UBE3A: variants seen among roughly 807,000 people sequenced by gnomAD.
UBE3A encodes the protein ubiquitin-protein ligase E3A.
A neutral mutation model predicts 83.4 loss-of-function variants in UBE3A; 6 were observed. The observed-to-expected ratio is 0.07, with a 90% CI of 0.04 to 0.14. The LOEUF is 0.14. Among genes scored for constraint, UBE3A ranks in the 10% least tolerant of loss-of-function variants. The pLI is 1.00. For synonymous variants in UBE3A, 337 were observed against 355.4 expected (o/e 0.95, Z 0.58); for missense variants, 456 against 1,036.1 (o/e 0.44, Z 7.69).
Position 25,371,524 on chromosome 15 carries a change from C to T in UBE3A, c.650G>A (p.Gly217Glu). 7 of 1,614,132 alleles carry T rather than the reference C, an allele frequency of 4.3e-6. No homozygotes were observed. Among genetic ancestry groups the T allele is most frequent in the Non-Finnish European group, 5.9e-6 (7 of 1,180,020 alleles). The change falls in exon 6 of 13, where the codon GGA (glycine) becomes GAA (glutamate). Residue 217 changes from glycine to glutamate, a missense_variant. Gly to Glu is a moderately conservative substitution (Grantham distance 98). Around this residue, in one of 13 missense-constraint regions of UBE3A, gnomAD observed 42 missense variants for 41.8 expected, o/e 1.00. Transcript: ENST00000648336. The surrounding 1 kb of genome is among the most constrained non-coding windows in gnomAD (Gnocchi z 5.3). ...SSSRIGDSSQ[G>E]DNNLQKLGPD... is the part of the protein sequence containing the mutation. ...GCCTAATTTTTGCAAATTGTTGTCT[C>T]CCTGTGAGCTATCACCTATCCTTGA... is the stretch of plus-strand genomic sequence containing the variant.
At chr15:25,359,971 G>C (rs984096325) in intron 7 of UBE3A, among the ~76,000 whole-genome samples, 1 of 152,090 alleles carries the variant, frequency 6.6e-6, no homozygotes, top group African/African-American at 2.4e-5. Flanking sequence ...TCTGAACTTT[G>C]AGCATGACAT....
intron 11 of UBE3A, among the ~76,000 whole-genome samples, chr15:25,353,295 C>T (rs949520645): frequency 5.9e-5 from 9 of 152,264 alleles, no homozygotes; most frequent in South Asian, 2.1e-4. Flanking sequence ...CATACCACGA[C>T]GAACAACCTT....
intron 11 of UBE3A, among the ~76,000 whole-genome samples, chr15:25,353,686 G>A (rs1013031060): frequency 1.3e-5 from 2 of 152,190 alleles, no homozygotes; most frequent in Non-Finnish European, 2.9e-5. Context: ...AGGAAGGTAC[G>A]TGTTTGCATG....
intron 1 of UBE3A, chr15:25,419,259 G>A (rs1038352568): frequency 1.3e-5 from 2 of 151,896 alleles, no homozygotes; most frequent in Non-Finnish European, 2.9e-5. Flanking sequence ...TTAAGGGTGT[G>A]GTATACTAAC....
At position 25,356,061 on chromosome 15, in the gene UBE3A, C is replaced by A; in HGVS notation, c.1960-5G>T. The A allele has an allele frequency of 1.2e-6, 2 of 1,613,602 alleles. No individual in the cohort carries two copies. Among genetic ancestry groups the A allele is most frequent in the Non-Finnish European group, 1.7e-6 (2 of 1,179,746 alleles). On this transcript the variant is annotated splice_region_variant and splice_polypyrimidine_tract_variant and intron_variant, in intron 8 of 12. Transcript: ENST00000648336. ...TTTTAAACTCTGATATAGAACCTAG[C>A]AACCAGAAATGGTAAATTGAGGCCA... is the stretch of plus-strand genomic sequence containing the variant.
intron 4 of UBE3A, among the ~76,000 whole-genome samples, chr15:25,397,410 C>T (rs1262031916): frequency 1.3e-5 from 2 of 152,126 alleles, no homozygotes; most frequent in Non-Finnish European, 2.9e-5. Flanking sequence ...TTCATCTATC[C>T]TCTTCCATTC....
chr15:25,371,181 G>A lies in UBE3A; in HGVS notation c.993C>T (p.Asp331=). The A allele has an allele frequency of 6.2e-7, 1 of 1,614,060 alleles. No homozygotes were observed. The highest frequency in any genetic ancestry group is 8.5e-7 in the Non-Finnish European group (1 of 1,180,016). Reference sequence around the variant, plus strand: ...ATGTCTCCATCATTCTCCGAATCTGGTCTGCATTGTATTTAGACCACAGTC... The same window carrying A: ...ATGTCTCCATCATTCTCCGAATCTGATCTGCATTGTATTTAGACCACAGTC... ...LIRLWSKYNA[D]QIRRMMETFQ... is the part of the protein sequence containing the mutation. The change falls in exon 6 of 13, where the codon GAC becomes GAT. Residue 331 remains aspartate (D), a synonymous_variant. Transcript: ENST00000648336. The surrounding 1 kb of genome is among the most constrained non-coding windows in gnomAD (Gnocchi z 5.3).
At chr15:25,366,281 G>A (rs573763360) in intron 6 of UBE3A, among the ~76,000 whole-genome samples, 1 of 152,314 alleles carries the variant, frequency 6.6e-6, no homozygotes, top group South Asian at 2.1e-4. Context: ...CATACCTAGT[G>A]CAGCACAGAA....
intron 1 of UBE3A, among the ~76,000 whole-genome samples, chr15:25,434,907 C>T (rs1171594799): frequency 6.6e-6 from 1 of 151,716 alleles, no homozygotes; most frequent in East Asian, 1.9e-4. Context: ...GATAATCATG[C>T]CCCCCAAAAT....
chr15:25,407,293 C>A, intron 3 of UBE3A: 1 of 1,040,176 alleles, frequency 9.6e-7, no homozygotes, highest in East Asian at 1.0e-4. Flanking sequence ...TAGAAGTTTT[C>A]AAACACGTAG....
In UBE3A at chr15:25,423,903, A is replaced by G. The variant is rs182771385; in HGVS notation, c.-164-11932T>C. 2.6e-4 allele frequency among the ~76,000 whole-genome samples: 40 copies of G among 152,240 alleles called. No homozygotes were observed. In the South Asian group the frequency reaches 4.3e-3, roughly 17 times the overall value. On this transcript the variant is annotated intron_variant, in intron 1 of 12. Transcript: ENST00000648336. ...AATCCTATGGACTCTATTTCAACATATATCAAGAATTCAACCACTTCTCAC... is the reference window on the plus strand; with the variant it reads ...AATCCTATGGACTCTATTTCAACATGTATCAAGAATTCAACCACTTCTCAC...
chr15:25,388,058 T>C (rs913039261), intron 4 of UBE3A, among the ~76,000 whole-genome samples: 1 of 152,198 alleles, frequency 6.6e-6, no homozygotes, highest in Admixed American at 6.5e-5. Flanking sequence ...ACACCAGTTC[T>C]CTACAATCTC....
Position 25,354,642 on chromosome 15 carries a change from T to A in UBE3A, c.2166A>T (p.Ser722=). ...NLYSDYILNK[S]VEKQFKAFRR... ...GAAAAGCCTTGAACTGTTTTTCTAC[T>A]GATTTATTGAGAATGTAGTCAGAAT... Residue 722 remains serine, a synonymous_variant, in exon 10 of 13, where the codon TCA becomes TCT. Transcript: ENST00000648336. 6.2e-7 allele frequency: 1 copy of A among 1,613,544 alleles called. No individual in the cohort carries two copies. The highest frequency in any genetic ancestry group is 1.1e-5 in the South Asian group (1 of 91,074).
At chr15:25,431,725 T>C (rs1237239265) in intron 1 of UBE3A, among the ~76,000 whole-genome samples, 1 of 152,170 alleles carries the variant, frequency 6.6e-6, no homozygotes, top group Non-Finnish European at 1.5e-5. Context: ...ACCCAATTAA[T>C]CTTTGTGTGA....
At chr15:25,408,605 C>G in intron 3 of UBE3A, 1 of 1,613,874 alleles carries the variant, frequency 6.2e-7, no homozygotes, top group Non-Finnish European at 8.5e-7. Flanking sequence ...CTAGCAAATT[C>G]AAATGGTGGC....
Position 25,375,703 on chromosome 15 carries a change from A to G in UBE3A, c.123T>C (p.Cys41=). ...ACTCATTCGTGCAGGCTTCATTTCC[A>G]CAGCCCTCAGTTAACTGGTGGTAGT... ...ERYYHQLTEG[C]GNEACTNEFC... is the part of the protein sequence containing the mutation. The change falls in exon 5 of 13, where the codon TGT becomes TGC. Residue 41 remains cysteine (C), a synonymous_variant. Coordinates refer to ENST00000648336, the MANE Select transcript of UBE3A (RefSeq NM_130839.5). 6.2e-7 allele frequency: 1 copy of G among 1,614,152 alleles called. No homozygotes were observed. The highest frequency in any genetic ancestry group is 1.6e-4 in the Middle Eastern group (1 of 6,062).
At chr15:25,421,106 G>A (rs1367987178) in intron 1 of UBE3A, among the ~76,000 whole-genome samples, 2 of 152,194 alleles carry the variant, frequency 1.3e-5, no homozygotes, top group Non-Finnish European at 2.9e-5. Context: ...CCTGGTGGGA[G>A]GTAACTGGGT....
At chr15:25,416,486 G>A (rs900366009) in intron 1 of UBE3A, among the ~76,000 whole-genome samples, 1 of 152,120 alleles carries the variant, frequency 6.6e-6, no homozygotes, top group Non-Finnish European at 1.5e-5. Context: ...AGTCAGGACA[G>A]TGGTTACACA....
At chr15:25,351,349 G>T (rs758780513) in intron 11 of UBE3A, among the ~76,000 whole-genome samples, 5 of 152,188 alleles carry the variant, frequency 3.3e-5, no homozygotes, top group Non-Finnish European at 5.9e-5. Context: ...TGAATTAGCA[G>T]ATCTAGGCAA....
Sources: allele counts gnomAD v4.1 joint callset (sites outside exome capture counted in the v4.1 genomes callset), GRCh38; gene constraint gnomAD v4.1.1; regional missense constraint gnomAD v4.1.1; non-coding constraint Gnocchi (gnomAD v3.1); transcripts MANE v1.5; gene names NCBI Gene and HGNC (gene_info 2026-07-23, HGNC 2026-07-21).